Variants in ABCA12 observed in about 807,000 individuals in gnomAD.
ABCA12 encodes glucosylceramide transporter ABCA12.
ABCA12 carries 156 observed loss-of-function variants against 293.5 expected under a neutral mutation model. That is an observed-to-expected ratio of 0.53 (90% CI 0.47 to 0.61). ABCA12 has a LOEUF of 0.61. Ranked by LOEUF, ABCA12 falls within the 20% of genes least tolerant of loss-of-function variation. ABCA12 has a pLI of 0.00. For missense variants in ABCA12, 2,797 were observed against 3,090.2 expected, an observed-to-expected ratio of 0.91 and a Z score of 2.25; for synonymous variants, 1,063 against 1,108.0, an observed-to-expected ratio of 0.96 and a Z score of 0.81.
In ABCA12 at chr2:215,138,175, C is replaced by T. The variant is rs530049071; in HGVS notation, c.34G>A (p.Val12Ile). ...ASLFHQLQIL[V>I]WKNWLGVKRQ... ...TTTACACCTAGCCAATTTTTCCAGACCAGGATCTGAAGCTGATGAAACAGG... is the reference window on the plus strand; with the variant it reads ...TTTACACCTAGCCAATTTTTCCAGATCAGGATCTGAAGCTGATGAAACAGG... Residue 12 changes from valine (V) to isoleucine (I), a missense_variant, in exon 1 of 53, where the codon GTC (valine) becomes ATC (isoleucine). Val to Ile is a conservative substitution (Grantham distance 29). This residue lies in a region of ABCA12 where 11 missense variants were observed against 25.0 expected (regional missense o/e 0.44). Coordinates refer to ENST00000272895, the MANE Select transcript of ABCA12 (RefSeq NM_173076.3). The T allele has an allele frequency of 6.2e-7, 1 of 1,614,070 alleles. No homozygotes were observed. Among genetic ancestry groups the T allele is most frequent in the African/African-American group, 1.3e-5 (1 of 74,990 alleles).
rs1046673692 is a variant in ABCA12, at chr2:214,973,859, T to G, written c.5562+90A>C. On this transcript the variant is annotated intron_variant, in intron 36 of 52. Transcript: ENST00000272895. ...TAGCTTCCATAAAATGAACTTATACTGATTCTTTGGTAACCTAGAGAGATC... is the reference window on the plus strand; with the variant it reads ...TAGCTTCCATAAAATGAACTTATACGGATTCTTTGGTAACCTAGAGAGATC... 4.4e-6 allele frequency: 5 copies of G among 1,140,940 alleles called. No individual in the cohort carries two copies. In the African/African-American group the frequency reaches 4.6e-5, roughly 10 times the overall value. The allele number at this position is 1,140,940 out of a possible 1,614,324, so 70.7% of individuals were successfully genotyped here.
intron 1 of ABCA12, among the ~76,000 whole-genome samples, chr2:215,135,304 A>G (rs1052942058): frequency 6.6e-6 from 1 of 152,064 alleles, no homozygotes; most frequent in Non-Finnish European, 1.5e-5. Flanking sequence ...TTTATCTCCA[A>G]TCTACCTTAA....
chr2:214,968,560 C>A (rs1699315842), intron 38 of ABCA12, among the ~76,000 whole-genome samples, 160 bp downstream of exon 38: 1 of 152,006 alleles, frequency 6.6e-6, no homozygotes, highest in South Asian at 2.1e-4. Context: ...TACATGCTTC[C>A]CTAGGGTACA....
At chr2:214,967,343 C>T (rs1250510174) in intron 38 of ABCA12, among the ~76,000 whole-genome samples, 1 of 152,072 alleles carries the variant, frequency 6.6e-6, no homozygotes, top group East Asian at 1.9e-4. Flanking sequence ...ATAGACCAAG[C>T]TGGAGAAATA....
At chr2:214,967,922 G>A (rs1356595117) in intron 38 of ABCA12, among the ~76,000 whole-genome samples, 4 of 152,108 alleles carry the variant, frequency 2.6e-5, no homozygotes, top group East Asian at 1.9e-4. Context: ...GATCACATAC[G>A]TAAGAATATG....
rs150834129 is a variant in ABCA12, at chr2:215,109,413, T to G, written c.163+2184A>C. Among the ~76,000 whole-genome samples, 1,033 of 152,324 alleles carry G rather than the reference T, an allele frequency of 6.8e-3. 7 individuals carry two copies. The highest frequency in any genetic ancestry group is 0.011 in the Non-Finnish European group (760 of 68,028). ...GTAAAGTGAGAGGGTCACTTCTACT[T>G]GTAATAACAAACCAAAAAACTATTT... On this transcript the variant is annotated intron_variant, in intron 2 of 52. Transcript: ENST00000272895.
chr2:214,951,861 C>T (rs1698783561), intron 44 of ABCA12, among the ~76,000 whole-genome samples: 1 of 152,124 alleles, frequency 6.6e-6, no homozygotes, highest in African/African-American at 2.4e-5. Context: ...GTGCATAATA[C>T]AGTATTGTTA....
intron 26 of ABCA12, 77 bp from the exon 27 acceptor site, chr2:214,987,870 C>A: frequency 1.3e-6 from 2 of 1,539,608 alleles, no homozygotes; most frequent in South Asian, 2.3e-5. Context: ...AACAGTAGAT[C>A]CTATGTATGG....
chr2:215,025,336 C>A, intron 11 of ABCA12: 1 of 257,682 alleles, frequency 3.9e-6, no homozygotes, highest in South Asian at 5.1e-5. Flanking sequence ...CTCACACTGT[C>A]ACTTAGGCTG....
intron 2 of ABCA12, among the ~76,000 whole-genome samples, chr2:215,102,020 T>C (rs996565404): frequency 3.4e-5 from 5 of 147,966 alleles, no homozygotes; most frequent in South Asian, 2.2e-4. Flanking sequence ...ATTTTATTTG[T>C]TTGTACACGT....
chr2:214,957,331 T>C (rs1698981671), intron 41 of ABCA12, among the ~76,000 whole-genome samples: 1 of 152,166 alleles, frequency 6.6e-6, no homozygotes, highest in Admixed American at 6.5e-5. Flanking sequence ...TGCAGGAAGA[T>C]GGACACAATG....
chr2:215,025,793 G>A lies in ABCA12; in HGVS notation c.1181-14C>T, dbSNP rs745989930. The A allele has an allele frequency of 1.9e-6, 3 of 1,563,414 alleles. No homozygotes were observed. In the African/African-American group the frequency reaches 4.1e-5, roughly 21 times the overall value. ...GTCTTAGATTTTCTGTAAAGGAAGG[G>A]AGAAGAGTTACTTTATGTGAATTGC... is the stretch of plus-strand genomic sequence containing the variant. On this transcript the variant is annotated splice_polypyrimidine_tract_variant and intron_variant, in intron 10 of 52. Transcript: ENST00000272895.
chr2:215,003,146 G>C (rs1700178949), intron 20 of ABCA12, among the ~76,000 whole-genome samples: 1 of 152,088 alleles, frequency 6.6e-6, no homozygotes, highest in African/African-American at 2.4e-5. Context: ...CGTCCCAGCA[G>C]TGCCAGGGAG....
Position 215,126,189 on chromosome 2 carries a change from C to T in ABCA12, c.69+11951G>A, listed in dbSNP as rs537305975. On this transcript the variant is annotated intron_variant, in intron 1 of 52. Coordinates refer to ENST00000272895, the MANE Select transcript of ABCA12 (RefSeq NM_173076.3). ...TATCTTTCTGATATGTTGCTGGATT[C>T]GGTTAGCAAGTATTTTGTTAAGGAT... is the stretch of plus-strand genomic sequence containing the variant. 3.2e-3 allele frequency among the ~76,000 whole-genome samples: 484 copies of T among 152,144 alleles called. 1 individual carries two copies. Among genetic ancestry groups the T allele is most frequent in the Non-Finnish European group, 2.7e-3 (185 of 67,968 alleles).
At chr2:215,021,426 T>G (rs1574989766) in intron 11 of ABCA12, among the ~76,000 whole-genome samples, 1 of 152,192 alleles carries the variant, frequency 6.6e-6, no homozygotes, top group East Asian at 1.9e-4. Context: ...TAATTTCCTA[T>G]CCTGTCAATG....
chr2:214,941,095 C>T (rs1698386089), intron 50 of ABCA12, among the ~76,000 whole-genome samples: 1 of 152,104 alleles, frequency 6.6e-6, no homozygotes, highest in South Asian at 2.1e-4. Flanking sequence ...CTCCTGTGGA[C>T]ATTTTAGTGC....
chr2:214,956,147 A>G (rs550098199), intron 42 of ABCA12, among the ~76,000 whole-genome samples: 2 of 152,332 alleles, frequency 1.3e-5, no homozygotes, highest in Admixed American at 1.3e-4. Context: ...ACTACCATGT[A>G]TTCAGGGCAG....
intron 2 of ABCA12, among the ~76,000 whole-genome samples, chr2:215,066,456 A>G (rs1274193203): frequency 6.6e-6 from 1 of 152,138 alleles, no homozygotes; most frequent in Non-Finnish European, 1.5e-5. Context: ...GGAAAGAAGG[A>G]AAAAGATGTC....
intron 38 of ABCA12, among the ~76,000 whole-genome samples, chr2:214,968,121 A>G (rs1233982490): frequency 1.3e-5 from 2 of 152,146 alleles, no homozygotes; most frequent in Non-Finnish European, 2.9e-5. Flanking sequence ...AATAAAGTAT[A>G]GTGTTACCAA....
Sources: gnomAD v4.1 joint callset for allele counts (sites outside exome capture counted in the v4.1 genomes callset) on GRCh38, gnomAD v4.1.1 for gene constraint, gnomAD v4.1.1 regional missense constraint, MANE v1.5 for transcripts, NCBI Gene and HGNC (gene_info 2026-07-23, HGNC 2026-07-21) for gene names.